VPS13B: variants seen among roughly 807,000 people sequenced by gnomAD.
The protein encoded by VPS13B is intermembrane lipid transfer protein VPS13B.
VPS13B carries 285 observed loss-of-function variants against 426.4 expected under a neutral mutation model. That is an observed-to-expected ratio of 0.67 (90% CI 0.61 to 0.74). VPS13B has a LOEUF of 0.74. Ranked by LOEUF, VPS13B falls within the 30% of genes least tolerant of loss-of-function variation. VPS13B has a pLI of 0.00. For synonymous variants in VPS13B, 1,676 were observed against 1,676.4 expected (o/e 1.00, Z 0.01); for missense variants, 4,537 against 4,782.6 (o/e 0.95, Z 1.51).
chr8:99,254,129 G>T (rs1252027590), intron 17 of VPS13B, among the ~76,000 whole-genome samples: 1 of 152,080 alleles, frequency 6.6e-6, no homozygotes, highest in Non-Finnish European at 1.5e-5. Context: ...TTTGCTTGCT[G>T]TATTCTCCCT....
chr8:99,581,730 T>C (rs1826070081), intron 33 of VPS13B, among the ~76,000 whole-genome samples: 3 of 152,222 alleles, frequency 2.0e-5, no homozygotes, highest in Admixed American at 2.0e-4. Flanking sequence ...TTGGAGCATT[T>C]TGGATTTTGA....
chr8:99,158,764 G>A lies in VPS13B; in HGVS notation c.2208+2021G>A, dbSNP rs117418833. On this transcript the variant is annotated intron_variant, in intron 15 of 61. Transcript: ENST00000357162. ...AAAAGACTCCTCTCAAAATATTAGC[G>A]CTCACGGACAATGCTCCTGGTCACC... Among the ~76,000 whole-genome samples the A allele has an allele frequency of 7.0e-4, 107 of 152,190 alleles. No homozygotes were observed. The East Asian group carries it at 0.011, about 16-fold the overall frequency.
At chr8:99,425,259 CA>C (rs1816627388) in intron 21 of VPS13B, among the ~76,000 whole-genome samples, 1 of 151,964 alleles carries the variant, frequency 6.6e-6, no homozygotes, top group Admixed American at 6.6e-5. Flanking sequence ...AGAGACCCAA[CA>C]AAAAAAGAGA....
intron 31 of VPS13B, among the ~76,000 whole-genome samples, chr8:99,559,828 A>C (rs901092164): frequency 6.6e-6 from 1 of 152,156 alleles, no homozygotes; most frequent in Non-Finnish European, 1.5e-5. Context: ...TATAGTTTGA[A>C]GTCAGGTAGC....
intron 3 of VPS13B, among the ~76,000 whole-genome samples, chr8:99,051,168 A>C (rs1212879048): frequency 6.6e-6 from 1 of 152,208 alleles, no homozygotes; most frequent in Non-Finnish European, 1.5e-5. Flanking sequence ...TTTTAGGTCT[A>C]ACATTTAAGT....
rs188879812 is a variant in VPS13B, at chr8:99,465,257, A to G, written c.3446-2157A>G. ...GTGTGTGTGAAAGGAATACTTGTGCAGTTAATGTGTTTTGTGAATTTTTCT... is the reference window on the plus strand; with the variant it reads ...GTGTGTGTGAAAGGAATACTTGTGCGGTTAATGTGTTTTGTGAATTTTTCT... On this transcript the variant is annotated intron_variant, in intron 23 of 61. Coordinates refer to ENST00000357162, the MANE Select transcript of VPS13B (RefSeq NM_152564.5). 3.0e-3 allele frequency among the ~76,000 whole-genome samples: 453 copies of G among 152,192 alleles called. 3 individuals carry two copies. Among genetic ancestry groups the G allele is most frequent in the Non-Finnish European group, 5.4e-3 (370 of 67,948 alleles).
intron 43 of VPS13B, among the ~76,000 whole-genome samples, chr8:99,795,575 C>G (rs543392448): frequency 1.3e-5 from 2 of 152,304 alleles, no homozygotes; most frequent in South Asian, 4.1e-4. Context: ...GCAATAAGCA[C>G]TTATTATCCC....
In VPS13B at chr8:99,390,178, A is replaced by G. The variant is rs555996109; in HGVS notation, c.2935-1379A>G. On this transcript the variant is annotated intron_variant, in intron 20 of 61. Coordinates refer to ENST00000357162, the MANE Select transcript of VPS13B (RefSeq NM_152564.5). Reference sequence around the variant, plus strand: ...AGTGGCATGATCTCGGCTCACTGCAAGCTCTGCCTCCTGGGTTCAAGCCAT... The same window carrying G: ...AGTGGCATGATCTCGGCTCACTGCAGGCTCTGCCTCCTGGGTTCAAGCCAT... 4.1e-3 allele frequency among the ~76,000 whole-genome samples: 618 copies of G among 151,800 alleles called. 1 individual carries two copies. The highest frequency in any genetic ancestry group is 6.7e-3 in the Non-Finnish European group (452 of 67,912).
chr8:99,531,606 TA>T (rs1822940438), intron 30 of VPS13B, among the ~76,000 whole-genome samples: 1 of 152,044 alleles, frequency 6.6e-6, no homozygotes, highest in Non-Finnish European at 1.5e-5. Context: ...TAAATTGTGG[TA>T]AAAAATATTG....
At chr8:99,295,263 TTAA>T (rs1196680199) in intron 19 of VPS13B, among the ~76,000 whole-genome samples, 3 of 152,128 alleles carry the variant, frequency 2.0e-5, no homozygotes, top group African/African-American at 7.2e-5. Flanking sequence ...TATATACAGG[TTAA>T]TGATACATCT....
rs1320309593 is a variant in VPS13B, at chr8:99,115,847, A to G, written c.910A>G (p.Asn304Asp). 12 of 1,613,550 alleles carry G rather than the reference A, an allele frequency of 7.4e-6. No homozygotes were observed. In the East Asian group the frequency reaches 1.8e-4, roughly 24 times the overall value. The change falls in exon 7 of 62, where the codon AAT (asparagine) becomes GAT (aspartate). Residue 304 changes from asparagine (N) to aspartate (D), a missense_variant. Physicochemically the swap from Asn to Asp is conservative, Grantham distance 23 (BLOSUM62 1). This residue lies in a region of VPS13B where 4,311 missense variants were observed against 4,474.3 expected (regional missense o/e 0.96). Coordinates refer to ENST00000357162, the MANE Select transcript of VPS13B (RefSeq NM_152564.5). ...CGAAATAGAGGACCTTACTTGTCATAATAAAGATATGCTAGGAAACATTAC... is the reference window on the plus strand; with the variant it reads ...CGAAATAGAGGACCTTACTTGTCATGATAAAGATATGCTAGGAAACATTAC... ...EGEIEDLTCHNKDMLGNITGS... is the reference protein window; with the variant it reads ...EGEIEDLTCHDKDMLGNITGS...
At chr8:99,703,851 G>A (rs1832387883) in intron 36 of VPS13B, among the ~76,000 whole-genome samples, 1 of 152,014 alleles carries the variant, frequency 6.6e-6, no homozygotes, top group Admixed American at 6.6e-5. Context: ...TTCGACAAAC[G>A]AGCACACAGT....
chr8:99,813,928 G>T (rs567858550), intron 44 of VPS13B, among the ~76,000 whole-genome samples: 5 of 152,272 alleles, frequency 3.3e-5, no homozygotes, highest in South Asian at 2.1e-4. Context: ...GAGCCCAGGG[G>T]TTTGAGACCA....
At position 99,014,203 on chromosome 8, in the gene VPS13B, C is replaced by T. The variant is rs549068809; in HGVS notation, c.147+268C>T. On this transcript the variant is annotated intron_variant, in intron 2 of 61. Transcript: ENST00000357162. ...CGTGATCTCGGCTCACTGCAACCTC[C>T]GCCTCCGGGACTCAGGCAGTTCTCC... is the stretch of plus-strand genomic sequence containing the variant. 1.6e-3 allele frequency among the ~76,000 whole-genome samples: 236 copies of T among 148,564 alleles called. 1 individual carries two copies. The highest frequency in any genetic ancestry group is 5.9e-3 in the Admixed American group (87 of 14,752).
rs71273164 is a variant in VPS13B, at chr8:99,123,122, CAAAAAAAAAAAAA to C, written c.1206+1688_1206+1700del. On this transcript the variant is annotated intron_variant, in intron 8 of 61. Coordinates refer to ENST00000357162, the MANE Select transcript of VPS13B (RefSeq NM_152564.5). ...GGCAACAAGAGCGAAACTCTGTCTC[CAAAAAAAAAAAAA>C]AAAAAAAAAAGAAAGAAAGAAAAAT... Among the ~76,000 whole-genome samples the C allele has an allele frequency of 4.9e-5, 3 of 61,438 alleles. 1 individual carries two copies. The highest frequency in any genetic ancestry group is 6.6e-4 in the South Asian group (1 of 1,522). The allele number at this position is 61,438 out of a possible 152,430, so 40.3% of individuals were successfully genotyped here.
Position 99,135,105 on chromosome 8 carries a change from GA to G in VPS13B, c.1394del (p.Asp465ValfsTer6). 1.2e-6 allele frequency: 2 copies of G among 1,613,510 alleles called. No individual in the cohort carries two copies. The highest frequency in any genetic ancestry group is 1.7e-6 in the Non-Finnish European group (2 of 1,179,572). On this transcript the variant is annotated frameshift_variant, in exon 10 of 62. Transcript: ENST00000357162. LOFTEE classifies it high-confidence loss of function. ...CCTTAAAGGAATTATGGGTGTTAAA[GA>G]TTTTGAAGAGAATATGAATAGAAGT... ...MCLKGIMGVKDFEENMNRSET... is the reference protein window; with the variant it reads ...MCLKGIMGVKXFEENMNRSET...
chr8:99,321,039 A>G (rs1205248402), intron 19 of VPS13B, among the ~76,000 whole-genome samples: 1 of 152,166 alleles, frequency 6.6e-6, no homozygotes, highest in Non-Finnish European at 1.5e-5. Flanking sequence ...TCACTCCACA[A>G]GAAAAGTAAC....
At chr8:99,528,993 TAAGAA>T (rs959937068) in intron 30 of VPS13B, among the ~76,000 whole-genome samples, 1 of 151,974 alleles carries the variant, frequency 6.6e-6, no homozygotes, top group African/African-American at 2.4e-5. Context: ...GAAATTAAAA[TAAGAA>T]AAGGTAAAAT....
intron 22 of VPS13B, among the ~76,000 whole-genome samples, chr8:99,432,506 A>G (rs1224721106): frequency 6.6e-6 from 1 of 152,214 alleles, no homozygotes; most frequent in Non-Finnish European, 1.5e-5. Flanking sequence ...AAAAGTGACA[A>G]GCAACTCACT....
Sources: gnomAD v4.1 joint callset for allele counts (sites outside exome capture counted in the v4.1 genomes callset) on GRCh38, gnomAD v4.1.1 for gene constraint, gnomAD v4.1.1 regional missense constraint, MANE v1.5 for transcripts, NCBI Gene and HGNC (gene_info 2026-07-23, HGNC 2026-07-21) for gene names.